The following ENOX1 variants were observed in gnomAD, a reference collection of about 807,000 sequenced individuals.
The protein encoded by ENOX1 is ecto-NOX disulfide-thiol exchanger 1.
Under a neutral mutation model 82.5 loss-of-function variants are expected in ENOX1, and 42 were observed. That is an observed-to-expected ratio of 0.51 (90% CI 0.40 to 0.66). ENOX1 has a LOEUF of 0.66. Ranked by LOEUF, ENOX1 falls within the 30% of genes least tolerant of loss-of-function variation. ENOX1 has a pLI of 0.00. For missense variants in ENOX1, 608 were observed against 811.6 expected (o/e 0.75, Z 3.05); for synonymous variants, 271 against 282.2 (o/e 0.96, Z 0.40).
intron 3 of ENOX1, among the ~76,000 whole-genome samples, chr13:43,422,387 T>C (rs1437751946): frequency 6.6e-6 from 1 of 152,142 alleles, no homozygotes; most frequent in African/African-American, 2.4e-5. Flanking sequence ...AGTGAAATTG[T>C]TGGAAGAAAG....
intron 2 of ENOX1, among the ~76,000 whole-genome samples, chr13:43,592,522 T>A (rs1186094422): frequency 6.6e-6 from 1 of 152,188 alleles, no homozygotes; most frequent in Non-Finnish European, 1.5e-5. Context: ...TAATAGAATA[T>A]CAGTATCTAT....
intron 14 of ENOX1, among the ~76,000 whole-genome samples, chr13:43,247,220 G>A (rs2043127587): frequency 6.6e-6 from 1 of 152,152 alleles, no homozygotes; most frequent in African/African-American, 2.4e-5. Flanking sequence ...GGAAGCTGAG[G>A]CAGAACTGAT....
chr13:43,715,520 T>C (rs7992870), intron 1 of ENOX1, among the ~76,000 whole-genome samples: 18,737 of 152,010 alleles, frequency 0.12, 2,179 homozygotes, highest in African/African-American at 0.3. Flanking sequence ...GCCTGCCTTG[T>C]TAGATTGGGG....
intron 11 of ENOX1, among the ~76,000 whole-genome samples, chr13:43,317,486 A>G (rs1486065541): frequency 1.3e-5 from 2 of 152,088 alleles, no homozygotes; most frequent in Admixed American, 1.3e-4. Flanking sequence ...CAGAAAAAAT[A>G]GGTTGTCCTG....
At chr13:43,754,355 T>TA (rs1441679552) in intron 1 of ENOX1, among the ~76,000 whole-genome samples, 24 of 144,172 alleles carry the variant, frequency 1.7e-4, no homozygotes, top group African/African-American at 5.5e-4. Flanking sequence ...TATTATTTAT[T>TA]TTTTTTTTTT....
chr13:43,628,257 C>T (rs2083055169), intron 2 of ENOX1, among the ~76,000 whole-genome samples: 2 of 151,998 alleles, frequency 1.3e-5, no homozygotes, highest in Admixed American at 1.3e-4. Context: ...TGTTATAATC[C>T]CACAGGTCTG....
chr13:43,445,041 CTT>C (rs913294741), intron 3 of ENOX1, among the ~76,000 whole-genome samples: 5 of 151,846 alleles, frequency 3.3e-5, no homozygotes, highest in African/African-American at 1.2e-4. Flanking sequence ...GGACTGGACT[CTT>C]TTCCTGGCTG....
chr13:43,626,955 G>A (rs557465905), intron 2 of ENOX1, among the ~76,000 whole-genome samples: 17 of 151,880 alleles, frequency 1.1e-4, no homozygotes, highest in African/African-American at 3.4e-4. Context: ...TTCACTTCAC[G>A]TATTTTGTAG....
At chr13:43,230,639 G>T (rs539322931) in intron 15 of ENOX1, among the ~76,000 whole-genome samples, 1 of 152,218 alleles carries the variant, frequency 6.6e-6, no homozygotes, top group East Asian at 1.9e-4. Context: ...TTACCACAGT[G>T]GTTTGGATAA....
At chr13:43,269,166 AC>A (rs1298471044) in intron 13 of ENOX1, among the ~76,000 whole-genome samples, 1 of 152,208 alleles carries the variant, frequency 6.6e-6, no homozygotes. Flanking sequence ...CCAGCTGCTT[AC>A]TTTGAAACAT....
At chr13:43,476,200 GA>G (rs1393936435) in intron 3 of ENOX1, among the ~76,000 whole-genome samples, 3 of 152,034 alleles carry the variant, frequency 2.0e-5, no homozygotes, top group Admixed American at 2.0e-4. Flanking sequence ...TTCAAAAAAA[GA>G]TTTATTGAGC....
intron 14 of ENOX1, among the ~76,000 whole-genome samples, chr13:43,247,802 G>C (rs2043155039): frequency 1.8e-5 from 2 of 112,660 alleles, no homozygotes; most frequent in South Asian, 7.0e-4. Flanking sequence ...TCAGTACCTG[G>C]CACAGTGCTC....
intron 1 of ENOX1, among the ~76,000 whole-genome samples, chr13:43,710,749 T>C (rs1299066168): frequency 6.6e-6 from 1 of 151,840 alleles, no homozygotes; most frequent in Non-Finnish European, 1.5e-5. Flanking sequence ...AGAAAAATAA[T>C]AACAAATTTG....
chr13:43,214,649 A>G (rs2153447422), intron 16 of ENOX1, among the ~76,000 whole-genome samples: 1 of 152,374 alleles, frequency 6.6e-6, no homozygotes, highest in Admixed American at 6.5e-5. Flanking sequence ...TCCAAAACCT[A>G]CAACAATACA....
intron 5 of ENOX1, among the ~76,000 whole-genome samples, chr13:43,374,250 T>C (rs1482332405): frequency 7.1e-6 from 1 of 141,016 alleles, no homozygotes; most frequent in African/African-American, 2.6e-5. Flanking sequence ...TTTTCTTTTC[T>C]TTTTTTTTTT....
intron 2 of ENOX1, among the ~76,000 whole-genome samples, chr13:43,613,701 C>G (rs1271662361): frequency 6.6e-6 from 1 of 152,046 alleles, no homozygotes; most frequent in Admixed American, 6.6e-5. Flanking sequence ...AACATACAAC[C>G]TACCAAGACT....
At chr13:43,217,094 G>T (rs941094655) in intron 16 of ENOX1, among the ~76,000 whole-genome samples, 9 of 152,156 alleles carry the variant, frequency 5.9e-5, no homozygotes, top group Admixed American at 1.3e-4. Context: ...CCTGGCTGTG[G>T]TGCCTTGTTC....
At chr13:43,532,398 G>A (rs2078268890) in intron 2 of ENOX1, among the ~76,000 whole-genome samples, 1 of 152,100 alleles carries the variant, frequency 6.6e-6, no homozygotes, top group Non-Finnish European at 1.5e-5. Flanking sequence ...AACCCTAGAT[G>A]TCCCTGATAG....
chr13:43,635,488 A>G (rs2083379723), intron 2 of ENOX1, among the ~76,000 whole-genome samples: 1 of 152,210 alleles, frequency 6.6e-6, no homozygotes, highest in African/African-American at 2.4e-5. Flanking sequence ...TATAAAAAGA[A>G]TAAATGTATG....
Sources: gnomAD v4.1 joint callset for allele counts (sites outside exome capture counted in the v4.1 genomes callset) on GRCh38, gnomAD v4.1.1 for gene constraint, MANE v1.5 for transcripts, NCBI Gene and HGNC (gene_info 2026-07-23, HGNC 2026-07-21) for gene names.